The following STAG1 variants were observed in gnomAD, a reference collection of about 807,000 sequenced individuals.
The protein encoded by STAG1 is STAG1 cohesin complex component, also known as cohesin subunit SA-1.
Under a neutral mutation model 170.9 loss-of-function variants are expected in STAG1, and 26 were observed. The observed-to-expected ratio is 0.15, with a 90% confidence interval of 0.11 to 0.21. STAG1 has a LOEUF of 0.21. Ranked by LOEUF, STAG1 falls within the 10% of genes least tolerant of loss-of-function variation. The pLI is 1.00. For synonymous variants in STAG1, 514 were observed against 497.7 expected (o/e 1.03, Z -0.44); for missense variants, 964 against 1,509.5 (o/e 0.64, Z 5.99).
intron 1 of STAG1, among the ~76,000 whole-genome samples, chr3:136,741,120 C>T (rs1389015653): frequency 6.6e-6 from 1 of 152,124 alleles, no homozygotes; most frequent in Non-Finnish European, 1.5e-5. Flanking sequence ...AGACATGTCC[C>T]AGAGCAAAAA....
chr3:136,407,661 C>T (rs1031854946), intron 21 of STAG1, among the ~76,000 whole-genome samples: 1 of 152,034 alleles, frequency 6.6e-6, no homozygotes, highest in South Asian at 2.1e-4. Flanking sequence ...AGAGTTTCAT[C>T]ATGTTGGACA....
At chr3:136,648,083 G>C (rs1475769999) in intron 1 of STAG1, among the ~76,000 whole-genome samples, 1 of 152,218 alleles carries the variant, frequency 6.6e-6, no homozygotes, top group Non-Finnish European at 1.5e-5. Context: ...AGAGCCATGA[G>C]TTGATAACTA....
chr3:136,543,799 T>C (rs1936022153), intron 5 of STAG1, among the ~76,000 whole-genome samples: 1 of 152,168 alleles, frequency 6.6e-6, no homozygotes, highest in Non-Finnish European at 1.5e-5. Context: ...ATAAGGATGA[T>C]AAGAGAATTA....
intron 14 of STAG1, among the ~76,000 whole-genome samples, chr3:136,449,900 C>CTT (rs34077581): frequency 0.057 from 7,229 of 126,464 alleles, 255 homozygotes; most frequent in Non-Finnish European, 0.079. Flanking sequence ...ACTATTGTTG[C>CTT]TTTTTTTTTT....
At chr3:136,485,706 C>A (rs1335999322) in intron 9 of STAG1, among the ~76,000 whole-genome samples, 1 of 152,154 alleles carries the variant, frequency 6.6e-6, no homozygotes, top group African/African-American at 2.4e-5. Context: ...GTCCTTGATT[C>A]AGTGAATATC....
chr3:136,578,817 T>C (rs1422653777), intron 4 of STAG1, among the ~76,000 whole-genome samples: 1 of 152,176 alleles, frequency 6.6e-6, no homozygotes, highest in Non-Finnish European at 1.5e-5. Context: ...CCTGTGGTTA[T>C]TTCCCCACTT....
chr3:136,429,413 CA>C (rs1559796209), intron 16 of STAG1, among the ~76,000 whole-genome samples: 1 of 151,798 alleles, frequency 6.6e-6, no homozygotes, highest in African/African-American at 2.4e-5. Context: ...GTCTCAAAAA[CA>C]AAAAAGACTA....
intron 20 of STAG1, 57 bp downstream of exon 20, chr3:136,421,036 G>A (rs9819496): frequency 0.33 from 348,985 of 1,068,240 alleles, 61,321 homozygotes; most frequent in African/African-American, 0.51. Flanking sequence ...CTCTCAAAGT[G>A]TTGGGGTTAC....
At chr3:136,374,014 TCTGGGTGCTC>T (rs1560067980) in intron 23 of STAG1, among the ~76,000 whole-genome samples, 2 of 152,194 alleles carry the variant, frequency 1.3e-5, no homozygotes, top group Non-Finnish European at 2.9e-5. Context: ...GCTTTATGAA[TCTGGGTGCTC>T]CTGTGTTGGG....
At chr3:136,365,317 G>C (rs1937034255) in intron 25 of STAG1, among the ~76,000 whole-genome samples, 1 of 152,174 alleles carries the variant, frequency 6.6e-6, no homozygotes, top group East Asian at 1.9e-4. Flanking sequence ...GATAATGAAA[G>C]CATCAAGTTG....
chr3:136,439,122 G>A (rs1056452683), intron 15 of STAG1, among the ~76,000 whole-genome samples: 5 of 149,792 alleles, frequency 3.3e-5, no homozygotes, highest in African/African-American at 1.2e-4. Context: ...CTTGAACCTG[G>A]GAGGCGGAGG....
chr3:136,545,695 A>G (rs191031903), intron 5 of STAG1, among the ~76,000 whole-genome samples: 1 of 152,240 alleles, frequency 6.6e-6, no homozygotes, highest in Non-Finnish European at 1.5e-5. Context: ...GGATCTGTCT[A>G]AACAGTATGT....
At chr3:136,371,822 T>C (rs541236190) in intron 23 of STAG1, among the ~76,000 whole-genome samples, 110 of 152,354 alleles carry the variant, frequency 7.2e-4, no homozygotes, top group Non-Finnish European at 1.3e-3. Context: ...TGGCTTAGGA[T>C]TGACTTGGCA....
At chr3:136,425,647 T>C (rs1181866071) in intron 16 of STAG1, among the ~76,000 whole-genome samples, 1 of 151,642 alleles carries the variant, frequency 6.6e-6, no homozygotes, top group East Asian at 1.9e-4. Flanking sequence ...TAAATTTAGG[T>C]CAAATACCAA....
At chr3:136,673,714 C>T (rs1022667334) in intron 1 of STAG1, among the ~76,000 whole-genome samples, 4 of 152,134 alleles carry the variant, frequency 2.6e-5, no homozygotes, top group African/African-American at 9.7e-5. Flanking sequence ...TCCAACTTTG[C>T]TGTCTCTATG....
At chr3:136,713,043 G>C (rs985966885) in intron 1 of STAG1, among the ~76,000 whole-genome samples, 1 of 152,118 alleles carries the variant, frequency 6.6e-6, no homozygotes, top group Non-Finnish European at 1.5e-5. Context: ...AGTGAGCCAA[G>C]ATTGCGCCAC....
chr3:136,341,012 G>A (rs569989780), intron 31 of STAG1, among the ~76,000 whole-genome samples: 1 of 152,234 alleles, frequency 6.6e-6, no homozygotes, highest in East Asian at 1.9e-4. Context: ...GGATTTAAGC[G>A]ATTCTCCTGC....
At chr3:136,704,098 T>C (rs558123407) in intron 1 of STAG1, among the ~76,000 whole-genome samples, 4 of 148,786 alleles carry the variant, frequency 2.7e-5, no homozygotes, top group East Asian at 2.0e-4. Context: ...TCGCCCAGGC[T>C]GGAGTGCAGT....
chr3:136,489,104 A>C (rs951441265), intron 9 of STAG1, among the ~76,000 whole-genome samples: 1 of 152,222 alleles, frequency 6.6e-6, no homozygotes, highest in Non-Finnish European at 1.5e-5. Flanking sequence ...CTTTACTTGG[A>C]AACTCAAAGA....
Sources: allele counts gnomAD v4.1 joint callset (sites outside exome capture counted in the v4.1 genomes callset), GRCh38; gene constraint gnomAD v4.1.1; transcripts MANE v1.5; gene names NCBI Gene and HGNC (gene_info 2026-07-23, HGNC 2026-07-21).